Variants in SYT10 observed in about 807,000 individuals in gnomAD.
SYT10 encodes the protein synaptotagmin 10.
SYT10 carries 31 observed loss-of-function variants against 51.1 expected under a neutral mutation model. The observed-to-expected ratio is 0.61, with a 90% CI of 0.46 to 0.82. The LOEUF (loss-of-function observed/expected upper bound fraction) is 0.82. Among genes scored for constraint, SYT10 ranks in the 40% least tolerant of loss-of-function variants. The probability of loss-of-function intolerance (pLI) is 0.00; values close to 1 mark genes in which losing one functional copy is unlikely to be tolerated. For synonymous variants in SYT10, 233 were observed against 225.9 expected (o/e 1.03, Z -0.28); for missense variants, 603 against 634.0 (o/e 0.95, Z 0.53).
intron 2 of SYT10, among the ~76,000 whole-genome samples, chr12:33,424,498 G>A (rs1199554203): frequency 2.6e-5 from 4 of 152,020 alleles, no homozygotes; most frequent in Non-Finnish European, 5.9e-5. Context: ...TGAAATTTCT[G>A]AGTGTCTTAA....
intron 2 of SYT10, among the ~76,000 whole-genome samples, chr12:33,411,004 T>C (rs1345758873): frequency 6.6e-6 from 1 of 152,154 alleles, no homozygotes; most frequent in African/African-American, 2.4e-5. Context: ...CCCAATCAGG[T>C]ACTTACTATT....
intron 2 of SYT10, among the ~76,000 whole-genome samples, chr12:33,417,679 T>C (rs957990725): frequency 6.6e-6 from 1 of 152,230 alleles, no homozygotes; most frequent in Admixed American, 6.5e-5. Flanking sequence ...GAGTTGTTTA[T>C]ATTTTTTCCA....
In SYT10 at chr12:33,379,875, G is replaced by A. The variant is rs142586141; in HGVS notation, c.1457C>T (p.Ala486Val). The change falls in exon 6 of 7, where the codon GCC (alanine) becomes GTC (valine). Residue 486 changes from alanine to valine, a missense_variant. By Grantham distance (64) the Ala-to-Val change is moderately conservative. Coordinates refer to ENST00000228567, the MANE Select transcript of SYT10 (RefSeq NM_198992.4). Reference sequence around the variant, plus strand: ...GTGCGTTATTGGTTTTCGATGATAGGCCAGCATTTCATTCCAGTGGTCTCG... The same window carrying A: ...GTGCGTTATTGGTTTTCGATGATAGACCAGCATTTCATTCCAGTGGTCTCG... The part of the protein sequence containing the change: ...LGRDHWNEML[A>V]YHRKPITHWH... The A allele has an allele frequency of 5.0e-6, 8 of 1,613,898 alleles. No individual in the cohort carries two copies. The highest frequency in any genetic ancestry group is 1.7e-4 in the Middle Eastern group (1 of 6,060).
At chr12:33,416,793 T>C (rs547608894) in intron 2 of SYT10, among the ~76,000 whole-genome samples, 1 of 152,266 alleles carries the variant, frequency 6.6e-6, no homozygotes, top group African/African-American at 2.4e-5. Flanking sequence ...GCTCTTGTGC[T>C]GAGGATACTA....
chr12:33,415,869 T>A (rs1014037134), intron 2 of SYT10, among the ~76,000 whole-genome samples: 7 of 152,328 alleles, frequency 4.6e-5, no homozygotes, highest in East Asian at 1.9e-4. Flanking sequence ...GTGGATTTTT[T>A]AAAATAATCC....
chr12:33,416,794 G>A (rs1216188576), intron 2 of SYT10, among the ~76,000 whole-genome samples: 3 of 152,152 alleles, frequency 2.0e-5, no homozygotes, highest in Non-Finnish European at 4.4e-5. Flanking sequence ...CTCTTGTGCT[G>A]AGGATACTAA....
At chr12:33,431,798 A>C (rs1269808611) in intron 1 of SYT10, among the ~76,000 whole-genome samples, 1 of 152,172 alleles carries the variant, frequency 6.6e-6, no homozygotes, top group Non-Finnish European at 1.5e-5. Flanking sequence ...TCAACCTTAT[A>C]AGTCAAATTT....
At chr12:33,378,455 G>A (rs953262954) in intron 6 of SYT10, among the ~76,000 whole-genome samples, 1 of 152,142 alleles carries the variant, frequency 6.6e-6, no homozygotes, top group African/African-American at 2.4e-5. Context: ...AGCCGGTAGA[G>A]GCATGCAGTT....
At chr12:33,405,784 T>C (rs1171525905) in intron 3 of SYT10, 2 of 151,186 alleles carry the variant, frequency 1.3e-5, no homozygotes, top group Admixed American at 6.6e-5. Context: ...TAAAAACTAA[T>C]AAAGAAAACA....
chr12:33,377,231 C>T (rs967388246), intron 6 of SYT10, among the ~76,000 whole-genome samples: 3 of 151,856 alleles, frequency 2.0e-5, no homozygotes, highest in Non-Finnish European at 2.9e-5. Context: ...CTTTAGTAAA[C>T]CATTCATCTC....
intron 6 of SYT10, among the ~76,000 whole-genome samples, chr12:33,379,313 C>G (rs150080272): frequency 0.015 from 2,325 of 152,054 alleles, 27 homozygotes; most frequent in South Asian, 0.023. Flanking sequence ...ACTGACACCC[C>G]AATATTTTAA....
intron 3 of SYT10, among the ~76,000 whole-genome samples, chr12:33,402,972 A>G (rs12321972): frequency 0.099 from 15,022 of 152,106 alleles, 850 homozygotes; most frequent in Admixed American, 0.16. Context: ...GCAAGTCTTA[A>G]TGATTCTGAG....
intron 1 of SYT10, chr12:33,432,744 T>C (rs1301225266): frequency 1.3e-5 from 2 of 152,062 alleles, no homozygotes; most frequent in East Asian, 3.8e-4. Context: ...TTTACAAGGT[T>C]TTAAAAATTG....
At chr12:33,423,752 A>G (rs2138430301) in intron 2 of SYT10, among the ~76,000 whole-genome samples, 1 of 152,282 alleles carries the variant, frequency 6.6e-6, no homozygotes, top group African/African-American at 2.4e-5. Flanking sequence ...TAATTGCAGG[A>G]AAACTACATC....
chr12:33,385,369 TG>T, intron 3 of SYT10, 78 bp from the exon 4 acceptor site: 9 of 1,540,084 alleles, frequency 5.8e-6, no homozygotes, highest in Non-Finnish European at 7.9e-6. Context: ...AGTAGAATAC[TG>T]GAATGTCATT....
intron 2 of SYT10, among the ~76,000 whole-genome samples, chr12:33,424,523 A>G (rs1278128469): frequency 2.6e-5 from 4 of 152,086 alleles, no homozygotes; most frequent in Non-Finnish European, 5.9e-5. Flanking sequence ...TCGTGGCTAT[A>G]AGATATCATA....
intron 3 of SYT10, among the ~76,000 whole-genome samples, chr12:33,391,379 T>C (rs777386184): frequency 1.3e-4 from 19 of 151,988 alleles, no homozygotes; most frequent in Non-Finnish European, 2.5e-4. Flanking sequence ...TGGGTGACAA[T>C]GTAAATGATG....
chr12:33,426,285 T>C lies in SYT10; in HGVS notation c.362A>G (p.Lys121Arg). 6.2e-7 allele frequency: 1 copy of C among 1,614,158 alleles called. No individual in the cohort carries two copies. Among genetic ancestry groups the C allele is most frequent in the Non-Finnish European group, 8.5e-7 (1 of 1,180,024 alleles). ...AGGCTCAATAGCTTTTACGGCTGGC[T>C]TTTCATTTTCCTTAATTTCTTTTTT... ...EEKKEIKENE[K>R]PAVKAIEPAI... is the part of the protein sequence containing the mutation. Residue 121 changes from lysine to arginine, a missense_variant, in exon 2 of 7, where the codon AAG becomes AGG. By Grantham distance (26) the Lys-to-Arg change is conservative. Transcript: ENST00000228567.
rs1866668616 is a variant in SYT10, at chr12:33,439,653, G to A, written c.-131C>T. The A allele has an allele frequency of 8.5e-7, 1 of 1,172,140 alleles. No homozygotes were observed. The highest frequency in any genetic ancestry group is 1.5e-5 in the South Asian group (1 of 65,558). The allele number at this position is 1,172,140 out of a possible 1,614,324, so 72.6% of individuals were successfully genotyped here. A position where few individuals can be genotyped will look rare whatever the true frequency, so the allele number is the denominator to read the frequency against. ...GACTTTGGCTGGAGATTGCGCCGCT[G>A]AGAGCCGGCAACTCTTAGGAGCCCC... is the stretch of plus-strand genomic sequence containing the variant. On this transcript the variant is annotated 5_prime_UTR_variant, in exon 1 of 7. Coordinates refer to ENST00000228567, the MANE Select transcript of SYT10 (RefSeq NM_198992.4).
Sources: allele counts gnomAD v4.1 joint callset (sites outside exome capture counted in the v4.1 genomes callset), GRCh38; gene constraint gnomAD v4.1.1; transcripts MANE v1.5; gene names NCBI Gene and HGNC (gene_info 2026-07-23, HGNC 2026-07-21).